The following ABHD17C variants were observed in gnomAD, a reference collection of about 807,000 sequenced individuals.
ABHD17C encodes the protein alpha/beta hydrolase domain-containing protein 17C.
Under a neutral mutation model 27.9 loss-of-function variants are expected in ABHD17C, and 11 were observed. That is an observed-to-expected ratio of 0.39 (90% confidence interval 0.25 to 0.65). ABHD17C has a LOEUF of 0.65. Among genes scored for constraint, ABHD17C ranks in the 30% least tolerant of loss-of-function variants. ABHD17C has a pLI of 0.45. For synonymous variants in ABHD17C, 233 were observed against 209.1 expected (o/e 1.11, Z -0.98); for missense variants, 280 against 470.2 (o/e 0.60, Z 3.74).
intron 1 of ABHD17C, among the ~76,000 whole-genome samples, chr15:80,729,986 G>A (rs1238031713): frequency 1.3e-5 from 2 of 152,238 alleles, no homozygotes; most frequent in South Asian, 4.1e-4. Flanking sequence ...AGGCTTGGTG[G>A]TGCGTGCCTA....
At chr15:80,750,150 G>T (rs985891159) in intron 2 of ABHD17C, among the ~76,000 whole-genome samples, 2 of 152,228 alleles carry the variant, frequency 1.3e-5, no homozygotes, top group Non-Finnish European at 2.9e-5. Context: ...TTTTCAGTTG[G>T]ACAGTACAGG....
intron 1 of ABHD17C, among the ~76,000 whole-genome samples, chr15:80,720,093 A>G (rs1306962483): frequency 6.6e-6 from 1 of 152,154 alleles, no homozygotes; most frequent in East Asian, 1.9e-4. Context: ...AGCTACCGCA[A>G]CCAGCCTCCT....
chr15:80,726,489 CTTCT>C (rs1198695046), intron 1 of ABHD17C, among the ~76,000 whole-genome samples: 1 of 135,778 alleles, frequency 7.4e-6, no homozygotes, highest in African/African-American at 3.0e-5. Context: ...TGGTTAATTG[CTTCT>C]TTTTCTGGTT....
At chr15:80,744,511 G>A (rs546067320) in intron 1 of ABHD17C, among the ~76,000 whole-genome samples, 22 of 152,154 alleles carry the variant, frequency 1.4e-4, no homozygotes, top group African/African-American at 4.1e-4. Flanking sequence ...TTGTCCAACA[G>A]TATAGTAAAG....
rs184920584 is a variant in ABHD17C, at chr15:80,732,345, T to C, written c.591-17168T>C. On this transcript the variant is annotated intron_variant, in intron 1 of 2. Coordinates refer to ENST00000258884, the MANE Select transcript of ABHD17C (RefSeq NM_021214.2). Reference sequence around the variant, plus strand: ...TAATTCACTGAGCTCACCGTGCTTCTCCACGTTTAGTCCATATCCCAGACT... The same window carrying C: ...TAATTCACTGAGCTCACCGTGCTTCCCCACGTTTAGTCCATATCCCAGACT... Among the ~76,000 whole-genome samples, 314 of 152,338 alleles carry C rather than the reference T, an allele frequency of 2.1e-3. 1 individual carries two copies. Among genetic ancestry groups the C allele is most frequent in the African/African-American group, 7.2e-3 (300 of 41,572 alleles).
At chr15:80,737,079 A>G (rs1004558488) in intron 1 of ABHD17C, among the ~76,000 whole-genome samples, 17 of 152,060 alleles carry the variant, frequency 1.1e-4, no homozygotes, top group African/African-American at 3.9e-4. Flanking sequence ...GTGCTGATCA[A>G]CCTGTACTCA....
intron 1 of ABHD17C, among the ~76,000 whole-genome samples, chr15:80,709,665 T>C (rs1309513479): frequency 6.6e-6 from 1 of 152,006 alleles, no homozygotes; most frequent in African/African-American, 2.4e-5. Context: ...GTTGAGAGCC[T>C]GTTCAGCAGC....
intron 1 of ABHD17C, among the ~76,000 whole-genome samples, chr15:80,710,074 G>C (rs746064620): frequency 6.6e-5 from 10 of 152,176 alleles, no homozygotes; most frequent in Admixed American, 2.6e-4. Context: ...GAATGGATGG[G>C]TTGGCTGCAA....
chr15:80,749,080 C>A (rs1471535368), intron 1 of ABHD17C, among the ~76,000 whole-genome samples: 2 of 152,122 alleles, frequency 1.3e-5, no homozygotes, highest in African/African-American at 2.4e-5. Flanking sequence ...TATTTTGTAT[C>A]ATGATAACTT....
At chr15:80,696,811 C>A (rs971450909) in intron 1 of ABHD17C, among the ~76,000 whole-genome samples, 4 of 152,310 alleles carry the variant, frequency 2.6e-5, no homozygotes, top group Middle Eastern at 3.4e-3. Context: ...TGTTTTATAA[C>A]AAGCAAACCA....
intron 1 of ABHD17C, among the ~76,000 whole-genome samples, chr15:80,722,487 T>C (rs980085847): frequency 2.0e-5 from 3 of 152,168 alleles, no homozygotes; most frequent in Non-Finnish European, 2.9e-5. Flanking sequence ...ACCATCAAAC[T>C]GTCATCACTG....
At chr15:80,744,385 G>A (rs968681460) in intron 1 of ABHD17C, among the ~76,000 whole-genome samples, 2 of 152,250 alleles carry the variant, frequency 1.3e-5, no homozygotes, top group South Asian at 4.1e-4. Context: ...TAGTACTACA[G>A]TAAAAAGAGT....
At chr15:80,730,217 C>G (rs1336274097) in intron 1 of ABHD17C, among the ~76,000 whole-genome samples, 1 of 152,182 alleles carries the variant, frequency 6.6e-6, no homozygotes, top group Admixed American at 6.5e-5. Flanking sequence ...TTCATATGCT[C>G]AGAACAACTC....
Position 80,695,946 on chromosome 15 carries a change from G to A in ABHD17C, c.517G>A (p.Val173Ile). 6.3e-7 allele frequency: 1 copy of A among 1,595,426 alleles called. No homozygotes were observed. The highest frequency in any genetic ancestry group is 1.7e-5 in the Admixed American group (1 of 59,522). ...IFSYDYSGYG[V>I]SSGKPSEKNL... The stretch of plus-strand genomic sequence containing the variant: ...CTCCTACGACTACTCGGGATACGGC[G>A]TCAGCTCGGGCAAGCCCTCCGAGAA... Residue 173 changes from valine (V) to isoleucine (I), a missense_variant, in exon 1 of 3, where the codon GTC (valine) becomes ATC (isoleucine). Around this residue, in one of 2 missense-constraint regions of ABHD17C, gnomAD observed 206 missense variants for 394.7 expected, o/e 0.52. Coordinates refer to ENST00000258884, the MANE Select transcript of ABHD17C (RefSeq NM_021214.2). This position sits in a 1 kb window ranked among gnomAD's most constrained non-coding sequence, Gnocchi z 4.3.
intron 1 of ABHD17C, among the ~76,000 whole-genome samples, chr15:80,726,531 A>G (rs1381473170): frequency 3.9e-5 from 2 of 51,610 alleles, no homozygotes; most frequent in Admixed American, 5.7e-4. Context: ...TTTTTTTTTG[A>G]GACGGAGCCT....
At chr15:80,699,704 G>A (rs147958018) in intron 1 of ABHD17C, among the ~76,000 whole-genome samples, 11 of 152,340 alleles carry the variant, frequency 7.2e-5, no homozygotes, top group Admixed American at 5.2e-4. Context: ...ATTAAGGTGG[G>A]CACGTAATCC....
intron 1 of ABHD17C, among the ~76,000 whole-genome samples, chr15:80,743,381 A>T (rs1292720142): frequency 6.6e-6 from 1 of 152,032 alleles, no homozygotes; most frequent in African/African-American, 2.4e-5. Context: ...AGGAATGTTT[A>T]CTTTTAAAAT....
At chr15:80,733,660 T>A (rs979312406) in intron 1 of ABHD17C, among the ~76,000 whole-genome samples, 2 of 152,180 alleles carry the variant, frequency 1.3e-5, no homozygotes, top group Admixed American at 6.5e-5. Flanking sequence ...AGGAGCTAAA[T>A]GTAGCATTGC....
chr15:80,730,645 G>A (rs1010972702), intron 1 of ABHD17C, among the ~76,000 whole-genome samples: 1 of 152,204 alleles, frequency 6.6e-6, no homozygotes, highest in African/African-American at 2.4e-5. Context: ...AGACACCAAG[G>A]TTGAGAATGT....
Sources: allele counts gnomAD v4.1 joint callset (sites outside exome capture counted in the v4.1 genomes callset), GRCh38; gene constraint gnomAD v4.1.1; regional missense constraint gnomAD v4.1.1; non-coding constraint Gnocchi (gnomAD v3.1); transcripts MANE v1.5; gene names NCBI Gene and HGNC (gene_info 2026-07-23, HGNC 2026-07-21).